RFC3: variants seen among roughly 807,000 people sequenced by gnomAD.
RFC3 encodes A1 38 kDa subunit.
RFC3 carries 41 observed loss-of-function variants against 45.1 expected under a neutral mutation model. That is an observed-to-expected ratio of 0.91 (90% confidence interval 0.71 to 1.18). The LOEUF is 1.18. Ranked by LOEUF, RFC3 falls within the 50% of genes most tolerant of loss-of-function variation. RFC3 has a pLI of 0.00. For missense variants in RFC3, 423 were observed against 428.1 expected, an observed-to-expected ratio of 0.99 and a Z score of 0.10; for synonymous variants, 149 against 144.0, an observed-to-expected ratio of 1.03 and a Z score of -0.25.
intron 8 of RFC3, among the ~76,000 whole-genome samples, chr13:33,898,928 C>T (rs779272371): frequency 2.0e-5 from 3 of 151,704 alleles, no homozygotes; most frequent in Non-Finnish European, 4.4e-5. Context: ...TTCCTGAACA[C>T]ATACAACCTG....
intron 8 of RFC3, among the ~76,000 whole-genome samples, chr13:33,884,032 T>C (rs2082503554): frequency 6.6e-6 from 1 of 152,202 alleles, no homozygotes; most frequent in Non-Finnish European, 1.5e-5. Context: ...AGAGTGCATA[T>C]GGCACAGTCA....
At chr13:33,877,674 G>T (rs1432994895) in intron 8 of RFC3, among the ~76,000 whole-genome samples, 1 of 149,262 alleles carries the variant, frequency 6.7e-6, no homozygotes, top group Non-Finnish European at 1.5e-5. Context: ...TATTATGATG[G>T]ATTATAAACA....
intron 5 of RFC3, 147 bp from the exon 6 acceptor site, chr13:33,830,572 G>A (rs889674612): frequency 3.7e-6 from 2 of 541,630 alleles, no homozygotes; most frequent in Non-Finnish European, 6.3e-6. Context: ...TGTGTTAGAT[G>A]CAGAGTGGTA....
intron 8 of RFC3, among the ~76,000 whole-genome samples, chr13:33,893,478 A>G (rs2137641089): frequency 6.6e-6 from 1 of 152,282 alleles, no homozygotes; most frequent in South Asian, 2.1e-4. Context: ...CAAGAAAAAA[A>G]CAAAACAAAA....
chr13:33,933,681 AC>A (rs773912223), intron 8 of RFC3, among the ~76,000 whole-genome samples: 1 of 152,064 alleles, frequency 6.6e-6, no homozygotes, highest in Non-Finnish European at 1.5e-5. Context: ...GAAGGGAGAA[AC>A]TTTTTTTCCC....
intron 8 of RFC3, among the ~76,000 whole-genome samples, chr13:33,887,542 GT>G (rs1475300303): frequency 1.3e-5 from 2 of 151,820 alleles, no homozygotes; most frequent in Non-Finnish European, 2.9e-5. Context: ...TTAGCCCTTT[GT>G]CAGATGAGTA....
At chr13:33,952,463 A>G (rs1280933705) in intron 8 of RFC3, among the ~76,000 whole-genome samples, 1 of 152,184 alleles carries the variant, frequency 6.6e-6, no homozygotes, top group African/African-American at 2.4e-5. Context: ...ATTAGACTAT[A>G]TCTTAGCCAG....
At chr13:33,957,774 A>T (rs1401882962) in intron 8 of RFC3, among the ~76,000 whole-genome samples, 4 of 152,122 alleles carry the variant, frequency 2.6e-5, no homozygotes, top group Non-Finnish European at 5.9e-5. Flanking sequence ...TACACCGTGG[A>T]TGGTGGGGAG....
At chr13:33,851,167 T>C (rs556601092) in intron 8 of RFC3, among the ~76,000 whole-genome samples, 1 of 152,318 alleles carries the variant, frequency 6.6e-6, no homozygotes, top group African/African-American at 2.4e-5. Context: ...TACACAAGGA[T>C]ATATGCAAAT....
chr13:33,830,025 A>C lies in RFC3; in HGVS notation c.573+8A>C. Reference sequence around the variant, plus strand: ...GCTCCCAGCATTGAAGATGTAGGTCAAGTTACACTTTTCTGAAAAATAAAT... The same window carrying C: ...GCTCCCAGCATTGAAGATGTAGGTCCAGTTACACTTTTCTGAAAAATAAAT... On this transcript the variant is annotated splice_region_variant and intron_variant, in intron 5 of 8. Coordinates refer to ENST00000380071, the MANE Select transcript of RFC3 (RefSeq NM_002915.4). 1 of 1,609,468 alleles carries C rather than the reference A, an allele frequency of 6.2e-7. No individual in the cohort carries two copies. Among genetic ancestry groups the C allele is most frequent in the Non-Finnish European group, 8.5e-7 (1 of 1,176,922 alleles).
intron 8 of RFC3, among the ~76,000 whole-genome samples, chr13:33,857,105 G>A (rs1255877662): frequency 6.6e-6 from 1 of 152,180 alleles, no homozygotes; most frequent in Non-Finnish European, 1.5e-5. Flanking sequence ...ACTTAAACTT[G>A]TAAAGCAATC....
At chr13:33,910,553 CT>C (rs2082697838) in intron 8 of RFC3, among the ~76,000 whole-genome samples, 1 of 152,060 alleles carries the variant, frequency 6.6e-6, no homozygotes, top group Non-Finnish European at 1.5e-5. Flanking sequence ...TCACCGAAGG[CT>C]TTCTGGAAGA....
chr13:33,954,262 A>G (rs894299061), intron 8 of RFC3, among the ~76,000 whole-genome samples: 1 of 152,216 alleles, frequency 6.6e-6, no homozygotes, highest in Admixed American at 6.5e-5. Context: ...AATAGAGGGC[A>G]CAATTATTAG....
chr13:33,865,582 A>G (rs1172718060), intron 8 of RFC3, among the ~76,000 whole-genome samples: 3 of 152,254 alleles, frequency 2.0e-5, no homozygotes, highest in Non-Finnish European at 2.9e-5. Context: ...AGACCAATGT[A>G]TTTATCAATC....
chr13:33,932,363 A>G (rs1006820329), intron 8 of RFC3, among the ~76,000 whole-genome samples: 4 of 152,124 alleles, frequency 2.6e-5, no homozygotes, highest in African/African-American at 9.6e-5. Flanking sequence ...ACTCTTTGTG[A>G]CTTTCATTGG....
intron 4 of RFC3, among the ~76,000 whole-genome samples, chr13:33,828,319 A>C (rs1249489961): frequency 1.3e-5 from 2 of 150,912 alleles, no homozygotes; most frequent in African/African-American, 4.9e-5. Context: ...TTAGTCTGGA[A>C]CTCCTGTCCT....
intron 8 of RFC3, among the ~76,000 whole-genome samples, chr13:33,854,399 A>G (rs1255389245): frequency 6.6e-6 from 1 of 152,188 alleles, no homozygotes; most frequent in Non-Finnish European, 1.5e-5. Context: ...CTAAATTGTT[A>G]AGAAACTCAA....
chr13:33,918,486 G>A lies in RFC3; in HGVS notation c.880-47601G>A, dbSNP rs116357724. On this transcript the variant is annotated intron_variant, in intron 8 of 8. Transcript: ENST00000434425. ...CTTCCTCACAGCATTGTTGTAAGGAGTAAATGAGAGAATGCTTGCAAAATG... is the reference window on the plus strand; with the variant it reads ...CTTCCTCACAGCATTGTTGTAAGGAATAAATGAGAGAATGCTTGCAAAATG... 9.9e-4 allele frequency among the ~76,000 whole-genome samples: 151 copies of A among 152,224 alleles called. 1 individual carries two copies. Among genetic ancestry groups the A allele is most frequent in the African/African-American group, 3.6e-3 (148 of 41,540 alleles).
In RFC3 at chr13:33,930,822, G is replaced by T. The variant is rs866082864; in HGVS notation, c.880-35265G>T. 5.3e-5 allele frequency among the ~76,000 whole-genome samples: 8 copies of T among 152,216 alleles called. 1 individual carries two copies. The Middle Eastern group carries it at 0.024, about 453-fold the overall frequency. On this transcript the variant is annotated intron_variant, in intron 8 of 8. Coordinates refer to the RFC3 transcript ENST00000434425. ...TGAACAGCTTGGGGCAAAATTTAGG[G>T]ATAGATAAACCTCAAGCTTGTTATA...
Sources: allele counts gnomAD v4.1 joint callset (sites outside exome capture counted in the v4.1 genomes callset), GRCh38; gene constraint gnomAD v4.1.1; transcripts MANE v1.5; gene names NCBI Gene and HGNC (gene_info 2026-07-23, HGNC 2026-07-21).